Variants in HCFC1 observed in about 807,000 individuals in gnomAD.
The protein encoded by HCFC1 is host cell factor 1.
HCFC1 carries 7 observed loss-of-function variants against 105.5 expected under a neutral mutation model. The ratio of observed to expected loss-of-function variants is 0.07; its 90% confidence interval spans 0.04 to 0.12. The LOEUF is 0.12. Ranked by LOEUF, HCFC1 falls within the 10% of genes least tolerant of loss-of-function variation. The pLI is 1.00. For synonymous variants in HCFC1, 918 were observed against 828.1 expected, an observed-to-expected ratio of 1.11 and a Z score of -1.86; for missense variants, 1,065 against 1,823.6, an observed-to-expected ratio of 0.58 and a Z score of 7.58.
At position 153,958,578 on chromosome X, in the gene HCFC1, C is replaced by T; in HGVS notation, c.1794G>A (p.Ser598=). The T allele has an allele frequency of 8.3e-7, 1 of 1,197,948 alleles. No homozygotes were observed. Among genetic ancestry groups the T allele is most frequent in the Non-Finnish European group, 1.1e-6 (1 of 887,133 alleles). Residue 598 remains serine (S), a synonymous_variant, in exon 10 of 26, where the codon TCG becomes TCA. Transcript: ENST00000310441. Reference sequence around the variant, plus strand: ...CCCGGAAGACGCTCACCATGACTGGCGAGGAGGCCACCTTCACAGTGGCTG... The same window carrying T: ...CCCGGAAGACGCTCACCATGACTGGTGAGGAGGCCACCTTCACAGTGGCTG... ...TLPATVKVAS[S]PVMVSNPATR...
chrX:153,956,981 A>G lies in HCFC1; in HGVS notation c.2433T>C (p.Pro811=). ...TGGGGACAGCAGTGATGATTTTCGC[A>G]GGTGCTCCAGTTCCTGAAGTCATCA... ...TKVMTSGTGA[P]AKIITAVPKI... Residue 811 remains proline, a synonymous_variant, in exon 14 of 26, where the codon CCT becomes CCC. Transcript: ENST00000310441. 1.3e-5 allele frequency: 16 copies of G among 1,210,265 alleles called. No homozygotes were observed. Among genetic ancestry groups the G allele is most frequent in the Non-Finnish European group, 1.6e-5 (14 of 894,961 alleles).
At chrX:153,960,916 C>T (rs1216179240) in intron 6 of HCFC1, among the ~76,000 whole-genome samples, 1 of 112,722 alleles carries the variant, frequency 8.9e-6, no homozygotes, top group Non-Finnish European at 1.9e-5. Flanking sequence ...CCACTGGAGG[C>T]GCCTACGTGG....
rs1283729685 is a variant in HCFC1 at position 153,960,166 on chromosome X, G to A, written c.1085-5C>T. ...GGGCTGGGGGTGGTGGCTTTTCTGT[G>A]GGAGAACGCAGTTGGTGAGAAGGGG... On this transcript the variant is annotated splice_region_variant and splice_polypyrimidine_tract_variant and intron_variant, in intron 7 of 25. Coordinates refer to ENST00000310441, the MANE Select transcript of HCFC1 (RefSeq NM_005334.3). The A allele has an allele frequency of 1.4e-5, 17 of 1,206,267 alleles. No homozygotes were observed. Among genetic ancestry groups the A allele is most frequent in the Non-Finnish European group, 1.9e-5 (17 of 891,791 alleles).
At chrX:153,959,761 C>T (rs782567275) in intron 8 of HCFC1, 41 bp downstream of exon 8, 5 of 1,146,236 alleles carry the variant, frequency 4.4e-6, no homozygotes, top group South Asian at 4.2e-5. Flanking sequence ...TCCCCGGAGG[C>T]TAGCCCCCTA....
chrX:153,967,354 G>A (rs1351332443), intron 1 of HCFC1, among the ~76,000 whole-genome samples: 3 of 111,547 alleles, frequency 2.7e-5, no homozygotes, highest in African/African-American at 9.8e-5. Context: ...GCTGTGCCCC[G>A]GCCTCTCTGT....
Position 153,952,757 on chromosome X carries a change from C to T in HCFC1, c.4699G>A (p.Val1567Met). ...GGTGGCTGGACCACCACAGTGGCCA[C>T]CACCGCAGAGCCGGCAGACTCCTGG... ...SGQESAGSAVVATVVVQPPPP... is the reference protein window; with the variant it reads ...SGQESAGSAVMATVVVQPPPP... The change falls in exon 19 of 26, where the codon GTG becomes ATG. Residue 1567 changes from valine (V) to methionine (M), a missense_variant. Val to Met is a conservative substitution (Grantham distance 21). Coordinates refer to ENST00000310441, the MANE Select transcript of HCFC1 (RefSeq NM_005334.3). The T allele has an allele frequency of 8.3e-7, 1 of 1,209,250 alleles. No homozygotes were observed. The highest frequency in any genetic ancestry group is 2.3e-4 in the Middle Eastern group (1 of 4,340).
At chrX:153,961,310 G>A (rs911793988) in intron 6 of HCFC1, among the ~76,000 whole-genome samples, 2 of 112,686 alleles carry the variant, frequency 1.8e-5, no homozygotes, top group East Asian at 2.8e-4. Flanking sequence ...GCCCTGCACC[G>A]TAGAGGCTTT....
chrX:153,951,545 C>T (rs782555473), intron 21 of HCFC1, 44 bp downstream of exon 21: 1 of 1,202,496 alleles, frequency 8.3e-7, no homozygotes, highest in East Asian at 3.0e-5. Context: ...GGCAGTGCTG[C>T]CCCCCAGGCC....
In HCFC1 at chrX:153,971,748, C is replaced by T; in HGVS notation, c.-908G>A. The T allele has an allele frequency of 3.4e-6, 1 of 298,076 alleles. No homozygotes were observed. The highest frequency in any genetic ancestry group is 5.9e-6 in the Non-Finnish European group (1 of 170,332). The allele number at this position is 298,076 out of a possible 1,213,427, so 24.6% of individuals were successfully genotyped here. ...GAGCTAGAGTTAGGCCCCGAAGCGG[C>T]AACTGTACGGCAGAAGAAGCGGTAA... On this transcript the variant is annotated 5_prime_UTR_variant, in exon 1 of 26. Transcript: ENST00000310441.
chrX:153,957,637 G>T (rs1557115509), intron 12 of HCFC1, 104 bp from the exon 13 acceptor site: 2 of 793,921 alleles, frequency 2.5e-6, no homozygotes. Context: ...GAATGTTCTG[G>T]AGGCTGTGGG....
intron 16 of HCFC1, 42 bp from the exon 17 acceptor site, chrX:153,955,584 C>G (rs782163072): frequency 1.8e-6 from 2 of 1,124,795 alleles, no homozygotes; most frequent in Non-Finnish European, 2.4e-6. Flanking sequence ...CTGCAGCTGG[C>G]TGTCTGCCTG....
At chrX:153,965,674 C>G (rs1457142554) in intron 1 of HCFC1, among the ~76,000 whole-genome samples, 1 of 112,459 alleles carries the variant, frequency 8.9e-6, no homozygotes, top group East Asian at 2.8e-4. Flanking sequence ...GGAACTGAGG[C>G]CCCTCCACAT....
intron 8 of HCFC1, 131 bp from the exon 9 acceptor site, chrX:153,959,622 G>A: frequency 1.0e-6 from 1 of 963,640 alleles, no homozygotes; most frequent in Admixed American, 3.2e-5. Flanking sequence ...TGCCCTGAGA[G>A]TGACCATTTC....
Position 153,952,107 on chromosome X carries a change from G to T in HCFC1, c.4994C>A (p.Ala1665Glu). 8.7e-7 allele frequency: 1 copy of T among 1,147,512 alleles called. No individual in the cohort carries two copies. The highest frequency in any genetic ancestry group is 2.8e-5 in the Admixed American group (1 of 35,503). 94.6% of individuals were successfully genotyped at this position (1,147,512 alleles called of 1,213,427 possible). The change falls in exon 20 of 26, where the codon GCG (alanine) becomes GAG (glutamate). Residue 1665 changes from alanine to glutamate, a missense_variant. Ala to Glu is a moderately radical substitution (Grantham distance 107). Coordinates refer to ENST00000310441, the MANE Select transcript of HCFC1 (RefSeq NM_005334.3). ...CTCGGCCGACAGGTGCCCCAGCTCC[G>T]CCTGAGTCACGGTTGCTGCTGCCTC... ...TSEAAATVTQ[A>E]ELGHLSAEGQ... is the part of the protein sequence containing the mutation.
Position 153,950,373 on chromosome X carries a change from G to A in HCFC1, c.5874C>T (p.Ser1958=), listed in dbSNP as rs1557112106. The part of the protein sequence containing the change: ...FMRVYCGPSP[S]CLVQSSSLSN... Reference sequence around the variant, plus strand: ...AAAGGCTGGAGGACTGCACCAGGCAGGAGGGGCTGGGCCCGCAGTACACCC... The same window carrying A: ...AAAGGCTGGAGGACTGCACCAGGCAAGAGGGGCTGGGCCCGCAGTACACCC... Residue 1958 remains serine, a synonymous_variant, in exon 24 of 26, where the codon TCC becomes TCT. Coordinates refer to ENST00000310441, the MANE Select transcript of HCFC1 (RefSeq NM_005334.3). 8.3e-7 allele frequency: 1 copy of A among 1,211,116 alleles called. No individual in the cohort carries two copies. Among genetic ancestry groups the A allele is most frequent in the South Asian group, 1.8e-5 (1 of 56,975 alleles).
intron 24 of HCFC1, among the ~76,000 whole-genome samples, chrX:153,949,978 G>A (rs1293438463): frequency 9.0e-6 from 1 of 111,502 alleles, no homozygotes; most frequent in Non-Finnish European, 1.9e-5. Context: ...TGCTGTTTTC[G>A]GGCCTGGAAA....
At chrX:153,962,924 G>A (rs1015713153) in intron 4 of HCFC1, among the ~76,000 whole-genome samples, 4 of 111,855 alleles carry the variant, frequency 3.6e-5, no homozygotes, top group African/African-American at 6.5e-5. Context: ...GAGTCAAGAG[G>A]GACTAATGCT....
At chrX:153,962,193 A>G (rs1251308173) in intron 5 of HCFC1, 29 bp downstream of exon 5, 1 of 1,147,129 alleles carries the variant, frequency 8.7e-7, no homozygotes, top group East Asian at 3.0e-5. Flanking sequence ...CAGTCTAGAG[A>G]AGAGAGACGC....
intron 1 of HCFC1, chrX:153,969,247 C>G (rs1557119287): frequency 9.0e-6 from 1 of 111,223 alleles, no homozygotes; most frequent in Non-Finnish European, 1.9e-5. Context: ...GGAGCTCAGC[C>G]AAAGAACAGC....
Sources: gnomAD v4.1 joint callset for allele counts (sites outside exome capture counted in the v4.1 genomes callset) on GRCh38, gnomAD v4.1.1 for gene constraint, MANE v1.5 for transcripts, NCBI Gene and HGNC (gene_info 2026-07-23, HGNC 2026-07-21) for gene names.